OR10J1: variants seen among roughly 807,000 people sequenced by gnomAD.
The protein encoded by OR10J1 is olfactory receptor 10J1.
For missense variants in OR10J1, 474 were observed against 376.6 expected (o/e 1.26, Z -2.14); for synonymous variants, 202 against 143.8 (o/e 1.40, Z -2.89).
chr1:159,404,744 T>C, the OR10J1 span, among the ~76,000 whole-genome samples: 1 of 152,102 alleles, frequency 6.6e-6, no homozygotes, highest in Admixed American at 6.6e-5. Context: ...CCAAATCCTA[T>C]CACTACAACT....
the OR10J1 span, among the ~76,000 whole-genome samples, chr1:159,430,640 G>GGTGTGT: frequency 0.052 from 7,336 of 140,814 alleles, 238 homozygotes; most frequent in East Asian, 0.065. Context: ...AAAAAATTAT[G>GGTGTGT]GTGTGTGTGT....
At chr1:159,433,587 A>C (rs1358586338), upstream of OR10J1, among the ~76,000 whole-genome samples, 1 of 152,182 alleles carries the variant, frequency 6.6e-6, no homozygotes, top group Non-Finnish European at 1.5e-5. Flanking sequence ...TCTAGGGCAC[A>C]ATTCTAGATC....
At chr1:159,436,589 G>A (rs532047998), upstream of OR10J1, among the ~76,000 whole-genome samples, 16 of 151,824 alleles carry the variant, frequency 1.1e-4, no homozygotes, top group South Asian at 2.5e-3. Flanking sequence ...CCCAGTGCAG[G>A]GTATGGTGTT....
At chr1:159,423,223 A>C in the OR10J1 span, among the ~76,000 whole-genome samples, 4 of 152,154 alleles carry the variant, frequency 2.6e-5, no homozygotes, top group Admixed American at 6.5e-5. Context: ...ATGCTTCTAC[A>C]CTTTATTATA....
chr1:159,439,407 G>C (rs1053330132), upstream of OR10J1, among the ~76,000 whole-genome samples: 1 of 152,148 alleles, frequency 6.6e-6, no homozygotes, highest in Non-Finnish European at 1.5e-5. Flanking sequence ...GAGAACCTCT[G>C]AGTGTAATAC....
chr1:159,434,652 A>G (rs1222053486), upstream of OR10J1, among the ~76,000 whole-genome samples: 1 of 152,096 alleles, frequency 6.6e-6, no homozygotes, highest in Admixed American at 6.5e-5. Context: ...TGCATTCCCA[A>G]TCATAGATCT....
At chr1:159,406,377 T>C in the OR10J1 span, 1 of 414,692 alleles carries the variant, frequency 2.4e-6, no homozygotes, top group Non-Finnish European at 4.8e-6. Context: ...CTGAAGAATG[T>C]CTAAATCTGA....
chr1:159,419,568 G>A, the OR10J1 span, among the ~76,000 whole-genome samples: 1 of 152,260 alleles, frequency 6.6e-6, no homozygotes, highest in South Asian at 2.1e-4. Flanking sequence ...TCTCAGGTAT[G>A]CCTTTATTAG....
upstream of OR10J1, chr1:159,438,162 C>T (rs1398746359): frequency 2.0e-5 from 3 of 152,198 alleles, no homozygotes; most frequent in Admixed American, 6.5e-5. Context: ...GCTATATTTG[C>T]TCTTCCTTCC....
chr1:159,416,506 T>C, the OR10J1 span, among the ~76,000 whole-genome samples: 2 of 152,022 alleles, frequency 1.3e-5, no homozygotes, highest in African/African-American at 4.8e-5. Flanking sequence ...TTTAGAATTT[T>C]TGTATCTGTG....
the OR10J1 span, chr1:159,432,832 G>A: frequency 2.5e-6 from 1 of 406,550 alleles, no homozygotes; most frequent in Non-Finnish European, 4.4e-6. Context: ...TCCTTGTTCT[G>A]CCCATGGTAT....
the OR10J1 span, among the ~76,000 whole-genome samples, chr1:159,418,758 G>T: frequency 2.6e-5 from 4 of 152,312 alleles, no homozygotes; most frequent in African/African-American, 9.6e-5. Flanking sequence ...CTTGCACTGA[G>T]CACCTGGAAA....
the OR10J1 span, among the ~76,000 whole-genome samples, chr1:159,419,508 A>T: frequency 2.6e-5 from 4 of 152,218 alleles, no homozygotes; most frequent in African/African-American, 7.2e-5. Flanking sequence ...CTCCCCAGCC[A>T]CATGGAACTG....
the OR10J1 span, among the ~76,000 whole-genome samples, chr1:159,412,269 A>G: frequency 0.065 from 9,895 of 151,798 alleles, 705 homozygotes; most frequent in East Asian, 0.41. Context: ...TGCCCAAGGT[A>G]ATTTACAGAT....
chr1:159,433,934 G>A (rs1359878493), upstream of OR10J1, among the ~76,000 whole-genome samples: 1 of 152,172 alleles, frequency 6.6e-6, no homozygotes, highest in Non-Finnish European at 1.5e-5. Context: ...AGACTGCTGT[G>A]AGAAGCTAAA....
At chr1:159,436,312 G>A (rs1291316602), upstream of OR10J1, among the ~76,000 whole-genome samples, 1 of 152,066 alleles carries the variant, frequency 6.6e-6, no homozygotes, top group Non-Finnish European at 1.5e-5. Context: ...TAAATAATCA[G>A]AGAGTTGGCA....
At chr1:159,408,156 A>G in the OR10J1 span, among the ~76,000 whole-genome samples, 79 of 152,192 alleles carry the variant, frequency 5.2e-4, 1 homozygote, top group East Asian at 0.015. Flanking sequence ...GAATCTCTGT[A>G]GCTCAGTGGT....
chr1:159,440,081 G>A lies in OR10J1; in HGVS notation c.290G>A (p.Cys97Tyr). 6.2e-7 allele frequency: 1 copy of A among 1,614,082 alleles called. No homozygotes were observed. Among genetic ancestry groups the A allele is most frequent in the Non-Finnish European group, 8.5e-7 (1 of 1,180,002 alleles). Reference sequence around the variant, plus strand: ...AGCCAGCCCATATCATTGGCAGGGTGTGCCACACAGATGTTCTTTTTTGTA... The same window carrying A: ...AGCCAGCCCATATCATTGGCAGGGTATGCCACACAGATGTTCTTTTTTGTA... ...GMSQPISLAG[C>Y]ATQMFFFVTF... Residue 97 changes from cysteine (C) to tyrosine (Y), a missense_variant, in exon 1 of 1, where the codon TGT becomes TAT. Cys to Tyr is a radical substitution (Grantham distance 194, BLOSUM62 -2). Transcript: ENST00000423932.
chr1:159,412,307 T>C, the OR10J1 span, among the ~76,000 whole-genome samples: 2 of 149,152 alleles, frequency 1.3e-5, no homozygotes, highest in South Asian at 2.1e-4. Context: ...AAGCTACCAA[T>C]GACTTTCTTC....
Sources: gnomAD v4.1 joint callset for allele counts (sites outside exome capture counted in the v4.1 genomes callset) on GRCh38, gnomAD v4.1.1 for gene constraint, MANE v1.5 for transcripts, NCBI Gene and HGNC (gene_info 2026-07-23, HGNC 2026-07-21) for gene names.